Variants in CSMD1 observed in about 807,000 individuals in gnomAD.
The protein encoded by CSMD1 is CUB and Sushi multiple domains 1, also known as CUB and sushi domain-containing protein 1.
Under a neutral mutation model 417.5 loss-of-function variants are expected in CSMD1, and 213 were observed. The ratio of observed to expected loss-of-function variants is 0.51; its 90% CI spans 0.46 to 0.57. The LOEUF is 0.57. CSMD1 is among the 20% of genes least tolerant of loss of function. The pLI, the probability that CSMD1 is intolerant of heterozygous loss-of-function variation, is 0.00. For synonymous variants in CSMD1, 2,862 were observed against 1,736.8 expected, an observed-to-expected ratio of 1.65 and a Z score of -16.11; for missense variants, 6,923 against 4,529.7, an observed-to-expected ratio of 1.53 and a Z score of -15.17.
chr8:3,774,788 C>T (rs77654047), intron 5 of CSMD1, among the ~76,000 whole-genome samples: 3,140 of 152,124 alleles, frequency 0.021, 143 homozygotes, highest in East Asian at 0.15. Flanking sequence ...ACACAGTGTC[C>T]GTTTTTAAGC....
chr8:4,259,878 AT>A (rs1391208914), intron 3 of CSMD1, among the ~76,000 whole-genome samples: 1 of 152,190 alleles, frequency 6.6e-6, no homozygotes, highest in Non-Finnish European at 1.5e-5. Flanking sequence ...GCTTAAGTTA[AT>A]TTATTTTTTG....
rs1332198295 is a variant in CSMD1, at chr8:4,994,570, G to T, written c.-154C>A. 4 of 665,508 alleles carry T rather than the reference G, an allele frequency of 6.0e-6. No homozygotes were observed. In the African/African-American group the frequency reaches 7.2e-5, roughly 12 times the overall value. The allele number at this position is 665,508 out of a possible 1,614,324, so 41.2% of individuals were successfully genotyped here. A position where few individuals can be genotyped will look rare whatever the true frequency, so the allele number is the denominator to read the frequency against. The stretch of plus-strand genomic sequence containing the variant: ...CGCATCCGACGCCTCCTGAAGGTCT[G>T]GGCGCCCGGCTCGCTTCCCTCTCAT... On this transcript the variant is annotated 5_prime_UTR_variant, in exon 1 of 70. Coordinates refer to ENST00000635120, the MANE Select transcript of CSMD1 (RefSeq NM_033225.6).
At position 3,652,661 on chromosome 8, in the gene CSMD1, T is replaced by A. The variant is rs574391047; in HGVS notation, c.1010-35864A>T. On this transcript the variant is annotated intron_variant, in intron 7 of 69. Coordinates refer to ENST00000635120, the MANE Select transcript of CSMD1 (RefSeq NM_033225.6). ...AACCATCAGATCTCGTGAGACTTAT[T>A]CACTACCATAGGAACAGTATGGGGG... 4.6e-5 allele frequency among the ~76,000 whole-genome samples: 7 copies of A among 152,262 alleles called. No homozygotes were observed. In the South Asian group the frequency reaches 1.5e-3, roughly 32 times the overall value.
chr8:4,076,753 T>C (rs184796178), intron 3 of CSMD1, among the ~76,000 whole-genome samples: 2 of 152,282 alleles, frequency 1.3e-5, no homozygotes, highest in East Asian at 3.9e-4. Flanking sequence ...CCCTGGGGAA[T>C]GACCTCACAT....
At chr8:4,196,413 G>C (rs1378122656) in intron 3 of CSMD1, among the ~76,000 whole-genome samples, 1 of 152,056 alleles carries the variant, frequency 6.6e-6, no homozygotes, top group Non-Finnish European at 1.5e-5. Context: ...AAAAATCAAG[G>C]CGTTTTCAGG....
chr8:4,188,463 T>G (rs1277164146), intron 3 of CSMD1, among the ~76,000 whole-genome samples: 1 of 152,080 alleles, frequency 6.6e-6, no homozygotes, highest in Non-Finnish European at 1.5e-5. Context: ...AAACTTTATT[T>G]TGGAAAAGGG....
chr8:4,345,436 AAAG>A (rs1330282733), intron 3 of CSMD1, among the ~76,000 whole-genome samples: 1 of 152,110 alleles, frequency 6.6e-6, no homozygotes, highest in African/African-American at 2.4e-5. Flanking sequence ...AAATCAGGAT[AAAG>A]AAGAGAAAAA....
At chr8:3,800,994 T>C (rs772102178) in intron 5 of CSMD1, among the ~76,000 whole-genome samples, 2 of 152,102 alleles carry the variant, frequency 1.3e-5, no homozygotes, top group African/African-American at 4.8e-5. Context: ...TTAAATTTCA[T>C]AGCTAAAATC....
intron 2 of CSMD1, among the ~76,000 whole-genome samples, chr8:4,423,566 A>T (rs1015997238): frequency 3.9e-5 from 6 of 152,056 alleles, no homozygotes; most frequent in African/African-American, 1.4e-4. Flanking sequence ...AAATAAATGG[A>T]CAGATATACC....
intron 2 of CSMD1, among the ~76,000 whole-genome samples, chr8:4,560,226 T>C (rs917818243): frequency 1.3e-5 from 2 of 152,232 alleles, no homozygotes; most frequent in Non-Finnish European, 2.9e-5. Context: ...TAAGAAGCCA[T>C]GTTTGCTCAT....
At position 3,061,441 on chromosome 8, in the gene CSMD1, C is replaced by T. The variant is rs752919600; in HGVS notation, c.7475-8794G>A. Among the ~76,000 whole-genome samples, 26 of 152,294 alleles carry T rather than the reference C, an allele frequency of 1.7e-4. 1 individual carries two copies. Among genetic ancestry groups the T allele is most frequent in the African/African-American group, 6.0e-4 (25 of 41,548 alleles). ...TTACTTTTCATCAGAATGTTCGGGACATTTACCATCAAATGTTTTCTCTGC... is the reference window on the plus strand; with the variant it reads ...TTACTTTTCATCAGAATGTTCGGGATATTTACCATCAAATGTTTTCTCTGC... On this transcript the variant is annotated intron_variant, in intron 49 of 69. Coordinates refer to ENST00000635120, the MANE Select transcript of CSMD1 (RefSeq NM_033225.6).
chr8:4,007,430 C>T (rs1816211300), intron 4 of CSMD1, among the ~76,000 whole-genome samples: 1 of 152,190 alleles, frequency 6.6e-6, no homozygotes, highest in South Asian at 2.1e-4. Flanking sequence ...CAATGACCAC[C>T]TGCCTGAGAA....
intron 1 of CSMD1, among the ~76,000 whole-genome samples, chr8:4,758,291 C>T (rs1404401428): frequency 1.3e-5 from 2 of 152,138 alleles, no homozygotes; most frequent in South Asian, 2.1e-4. Flanking sequence ...CCCAACGTTG[C>T]CTTTTGAATG....
intron 13 of CSMD1, among the ~76,000 whole-genome samples, chr8:3,408,730 T>G (rs1439728261): frequency 6.6e-6 from 1 of 152,084 alleles, no homozygotes; most frequent in African/African-American, 2.4e-5. Context: ...TCAGATCATG[T>G]TCTAGTTGGA....
At chr8:4,535,968 ATTT>A (rs1359408770) in intron 2 of CSMD1, among the ~76,000 whole-genome samples, 1 of 151,286 alleles carries the variant, frequency 6.6e-6, no homozygotes, top group Non-Finnish European at 1.5e-5. Context: ...TGATGTAATT[ATTT>A]GTTTTATCTT....
rs184206534 is a variant in CSMD1 at position 4,884,031 on chromosome 8, G to A, written c.85+110301C>T. Among the ~76,000 whole-genome samples, 945 of 152,110 alleles carry A rather than the reference G, an allele frequency of 6.2e-3. 8 individuals carry two copies. Among genetic ancestry groups the A allele is most frequent in the Middle Eastern group, 0.031 (9 of 294 alleles). The stretch of plus-strand genomic sequence containing the variant: ...TATTTTTGATAATAGCCTTCGTAGT[G>A]AATGTCAAATGGTGTCTCACTATGG... On this transcript the variant is annotated intron_variant, in intron 1 of 69. Coordinates refer to ENST00000635120, the MANE Select transcript of CSMD1 (RefSeq NM_033225.6).
intron 1 of CSMD1, among the ~76,000 whole-genome samples, chr8:4,948,257 T>A (rs1032097828): frequency 1.3e-5 from 2 of 152,060 alleles, no homozygotes; most frequent in Admixed American, 6.6e-5. Context: ...TTTTTTATCG[T>A]CTTTACCATT....
chr8:4,914,266 A>C (rs1223122180), intron 1 of CSMD1, among the ~76,000 whole-genome samples: 2 of 152,148 alleles, frequency 1.3e-5, no homozygotes, highest in Admixed American at 1.3e-4. Context: ...AGGAAATAGA[A>C]ACATTTCACT....
At chr8:3,926,714 C>CTTTTTTTTT (rs56721822) in intron 5 of CSMD1, among the ~76,000 whole-genome samples, 3 of 103,506 alleles carry the variant, frequency 2.9e-5, no homozygotes, top group Admixed American at 1.2e-4. Context: ...AAATTGACAC[C>CTTTTTTTTT]TTTTTTTTTT....
Sources: gnomAD v4.1 joint callset for allele counts (sites outside exome capture counted in the v4.1 genomes callset) on GRCh38, gnomAD v4.1.1 for gene constraint, MANE v1.5 for transcripts, NCBI Gene and HGNC (gene_info 2026-07-23, HGNC 2026-07-21) for gene names.